TMEM132B: variants seen among roughly 807,000 people sequenced by gnomAD.
The protein encoded by TMEM132B is transmembrane protein 132B.
TMEM132B carries 18 observed loss-of-function variants against 90.8 expected under a neutral mutation model. The observed-to-expected ratio is 0.20, with a 90% CI of 0.14 to 0.29. The LOEUF (loss-of-function observed/expected upper bound fraction) is 0.29. TMEM132B is among the 10% of genes least tolerant of loss of function. The probability of loss-of-function intolerance (pLI) is 1.00; values close to 1 mark genes in which losing one functional copy is unlikely to be tolerated. For synonymous variants in TMEM132B, 504 were observed against 523.3 expected (o/e 0.96, Z 0.50); for missense variants, 1,096 against 1,326.8 (o/e 0.83, Z 2.70).
At chr12:125,536,952 T>G (rs549575938) in intron 4 of TMEM132B, among the ~76,000 whole-genome samples, 16 of 152,330 alleles carry the variant, frequency 1.1e-4, no homozygotes, top group African/African-American at 3.8e-4. Context: ...GCCTTACTGT[T>G]TACTCTTTTT....
chr12:125,585,437 C>A (rs1435076113), intron 5 of TMEM132B: 1 of 152,212 alleles, frequency 6.6e-6, no homozygotes, highest in African/African-American at 2.4e-5. Flanking sequence ...TTGCTATTGA[C>A]AATGCGCAAG....
intron 3 of TMEM132B, among the ~76,000 whole-genome samples, chr12:125,420,514 A>C (rs537788392): frequency 1.3e-5 from 2 of 151,672 alleles, no homozygotes; most frequent in African/African-American, 4.9e-5. Flanking sequence ...TGCACAGAGC[A>C]GGGGGATCCT....
intron 5 of TMEM132B, chr12:125,587,844 A>G (rs536999472): frequency 1.3e-5 from 2 of 152,230 alleles, no homozygotes; most frequent in Non-Finnish European, 2.9e-5. Flanking sequence ...ACAATAAAAA[A>G]TTGGGTTGTG....
chr12:125,361,872 A>C (rs1335897010), intron 2 of TMEM132B, among the ~76,000 whole-genome samples: 1 of 152,204 alleles, frequency 6.6e-6, no homozygotes, highest in African/African-American at 2.4e-5. Context: ...CTGTGCACAA[A>C]AGTAGATTTT....
At chr12:125,457,667 G>A (rs995876395) in intron 3 of TMEM132B, among the ~76,000 whole-genome samples, 11 of 152,314 alleles carry the variant, frequency 7.2e-5, no homozygotes, top group African/African-American at 2.4e-4. Context: ...TACAGGTGAC[G>A]GTGAAGCTGC....
At chr12:125,625,034 T>G (rs114732498) in intron 5 of TMEM132B, among the ~76,000 whole-genome samples, 2,875 of 152,046 alleles carry the variant, frequency 0.019, 92 homozygotes, top group African/African-American at 0.063. Flanking sequence ...CTCACCTCTC[T>G]CAACCACTGA....
At chr12:125,507,706 A>T (rs1047749978) in intron 3 of TMEM132B, among the ~76,000 whole-genome samples, 2 of 152,046 alleles carry the variant, frequency 1.3e-5, no homozygotes, top group African/African-American at 4.8e-5. Context: ...GTGTTTAGGG[A>T]GGTATCTGGC....
rs138048368 is a variant in TMEM132B at position 125,356,674 on chromosome 12, C to G, written c.959+6331C>G. 3.6e-3 allele frequency among the ~76,000 whole-genome samples: 548 copies of G among 152,338 alleles called. 15 individuals are homozygous for G. In the South Asian group the frequency reaches 0.053, roughly 15 times the overall value. ...TCCATTTTTGCCCGTGTAGTCTGTT[C>G]TGGAGTTAAGGCTCAGGCCGCCATG... is the stretch of plus-strand genomic sequence containing the variant. On this transcript the variant is annotated intron_variant, in intron 2 of 8. Coordinates refer to ENST00000682704, the MANE Select transcript of TMEM132B (RefSeq NM_001366854.1).
At chr12:125,436,506 C>T (rs1032044711) in intron 3 of TMEM132B, among the ~76,000 whole-genome samples, 2 of 152,150 alleles carry the variant, frequency 1.3e-5, no homozygotes, top group Admixed American at 1.3e-4. Context: ...GAAATTTGGA[C>T]ACAGACATGC....
chr12:125,374,632 C>CA (rs1159323944), intron 2 of TMEM132B, among the ~76,000 whole-genome samples: 1 of 151,818 alleles, frequency 6.6e-6, no homozygotes. Context: ...CTCTGCCCTG[C>CA]ACCCCCCGAC....
intron 5 of TMEM132B, chr12:125,587,228 T>TGC (rs1202735993): frequency 1.6e-5 from 2 of 125,856 alleles, no homozygotes; most frequent in African/African-American, 5.7e-5. Context: ...TGTGTGTGTG[T>TGC]GTGTGCGCAC....
At chr12:125,339,583 C>G (rs1333397815) in intron 1 of TMEM132B, among the ~76,000 whole-genome samples, 1 of 152,164 alleles carries the variant, frequency 6.6e-6, no homozygotes, top group Admixed American at 6.5e-5. Context: ...GGTACTTCTC[C>G]CCAGTAGCTC....
intron 5 of TMEM132B, among the ~76,000 whole-genome samples, chr12:125,590,483 A>G (rs1293280141): frequency 1.3e-5 from 2 of 152,192 alleles, no homozygotes; most frequent in Non-Finnish European, 1.5e-5. Flanking sequence ...TTGTCAGTGA[A>G]TTTTCTGTTA....
intron 2 of TMEM132B, among the ~76,000 whole-genome samples, chr12:125,392,915 G>A (rs143606397): frequency 7.0e-4 from 107 of 152,328 alleles, no homozygotes; most frequent in African/African-American, 2.5e-3. Flanking sequence ...AGTGATGGGG[G>A]AGGGTACATC....
chr12:125,457,041 T>A (rs1881310201), intron 3 of TMEM132B, among the ~76,000 whole-genome samples: 1 of 152,100 alleles, frequency 6.6e-6, no homozygotes, highest in Non-Finnish European at 1.5e-5. Flanking sequence ...CTGGAGATGC[T>A]CCTGAGTGGG....
At chr12:125,201,068 T>C (rs1463274250) in intron 1 of TMEM132B, among the ~76,000 whole-genome samples, 1 of 138,622 alleles carries the variant, frequency 7.2e-6, no homozygotes, top group East Asian at 2.4e-4. Context: ...GAAATTTTAT[T>C]TCTTTGATTT....
intron 1 of TMEM132B, among the ~76,000 whole-genome samples, chr12:125,308,834 C>T (rs532937089): frequency 1.3e-5 from 2 of 152,208 alleles, no homozygotes; most frequent in Admixed American, 6.5e-5. Flanking sequence ...CAATTCCATC[C>T]CCTCTCCCAG....
At chr12:125,618,263 T>C (rs1306174441) in intron 5 of TMEM132B, among the ~76,000 whole-genome samples, 1 of 152,198 alleles carries the variant, frequency 6.6e-6, no homozygotes. Flanking sequence ...TCGGCCATAG[T>C]AGTCTCAACT....
intron 3 of TMEM132B, among the ~76,000 whole-genome samples, chr12:125,425,986 A>G (rs573390246): frequency 1.3e-5 from 2 of 152,272 alleles, no homozygotes; most frequent in East Asian, 1.9e-4. Context: ...GCTGGATCAT[A>G]TGATAAGAAT....
Sources: allele counts gnomAD v4.1 joint callset (sites outside exome capture counted in the v4.1 genomes callset), GRCh38; gene constraint gnomAD v4.1.1; transcripts MANE v1.5; gene names NCBI Gene and HGNC (gene_info 2026-07-23, HGNC 2026-07-21).